ADARB2: variants seen among roughly 807,000 people sequenced by gnomAD.
The protein encoded by ADARB2 is adenosine deaminase RNA specific B2 (inactive).
ADARB2 carries 25 observed loss-of-function variants against 62.2 expected under a neutral mutation model. The ratio of observed to expected loss-of-function variants is 0.40; its 90% CI spans 0.29 to 0.56. The LOEUF (loss-of-function observed/expected upper bound fraction) is 0.56. ADARB2 is among the 20% of genes least tolerant of loss of function. The probability of loss-of-function intolerance (pLI) is 0.43; values close to 1 mark genes in which losing one functional copy is unlikely to be tolerated. For synonymous variants in ADARB2, 572 were observed against 500.8 expected, an observed-to-expected ratio of 1.14 and a Z score of -1.90; for missense variants, 1,071 against 1,077.4, an observed-to-expected ratio of 0.99 and a Z score of 0.08.
chr10:1,430,624 C>T (rs964333906), intron 1 of ADARB2, among the ~76,000 whole-genome samples: 2 of 152,096 alleles, frequency 1.3e-5, no homozygotes, highest in Non-Finnish European at 2.9e-5. Flanking sequence ...TCTGTAATAG[C>T]AGCTACTTGG....
Position 1,493,729 on chromosome 10 carries a change from C to CTTTTTTTTT in ADARB2, c.101-114578_101-114570dup, listed in dbSNP as rs555812632. On this transcript the variant is annotated intron_variant, in intron 1 of 9. Coordinates refer to ENST00000381312, the MANE Select transcript of ADARB2 (RefSeq NM_018702.4). ...TCTAGGCACAGCATAATATGGCATT[C>CTTTTTTTTT]TTTTTTTTTTTTTTTTTTTTTTTTT... 5.1e-4 allele frequency among the ~76,000 whole-genome samples: 29 copies of CTTTTTTTTT among 56,842 alleles called. 3 individuals are homozygous for CTTTTTTTTT. The highest frequency in any genetic ancestry group is 6.7e-4 in the Non-Finnish European group (22 of 32,604). 37.3% of individuals were successfully genotyped at this position (56,842 alleles called of 152,430 possible).
intron 1 of ADARB2, chr10:1,675,285 T>G (rs1231882170): frequency 4.1e-6 from 4 of 975,026 alleles, no homozygotes; most frequent in Admixed American, 1.3e-4. Flanking sequence ...GGTTCAGGGA[T>G]GCATGGATGT....
intron 1 of ADARB2, among the ~76,000 whole-genome samples, chr10:1,523,628 C>A (rs1832102341): frequency 6.6e-6 from 1 of 152,206 alleles, no homozygotes; most frequent in Non-Finnish European, 1.5e-5. Flanking sequence ...TTATTCCAAC[C>A]TTGCAGCTTC....
intron 3 of ADARB2, among the ~76,000 whole-genome samples, chr10:1,321,702 C>T (rs191707148): frequency 2.5e-4 from 38 of 152,278 alleles, no homozygotes; most frequent in Non-Finnish European, 1.2e-4. Context: ...ATTTTAATAT[C>T]CTCCTTCTCT....
chr10:1,278,690 G>A (rs4880808), intron 3 of ADARB2, among the ~76,000 whole-genome samples: 7 of 151,926 alleles, frequency 4.6e-5, no homozygotes, highest in Middle Eastern at 3.4e-3. Flanking sequence ...GGCCCGAAAG[G>A]TTTCCTATTC....
chr10:1,258,138 C>CT, intron 4 of ADARB2, among the ~76,000 whole-genome samples: 1 of 152,190 alleles, frequency 6.6e-6, no homozygotes, highest in South Asian at 2.1e-4. Context: ...TTCTCTCTCC[C>CT]TCCCTCCCTA....
intron 1 of ADARB2, among the ~76,000 whole-genome samples, chr10:1,514,688 G>A (rs180945953): frequency 6.6e-6 from 1 of 152,270 alleles, no homozygotes; most frequent in Admixed American, 6.5e-5. Context: ...TTGAATTAGA[G>A]TTGTCACCTG....
At chr10:1,439,151 G>A (rs1172528804) in intron 1 of ADARB2, among the ~76,000 whole-genome samples, 3 of 141,284 alleles carry the variant, frequency 2.1e-5, no homozygotes, top group African/African-American at 2.7e-5. Flanking sequence ...ATGGAGGCAG[G>A]CCCTTCACGA....
intron 1 of ADARB2, among the ~76,000 whole-genome samples, chr10:1,382,741 G>A (rs964876492): frequency 2.7e-5 from 4 of 147,048 alleles, no homozygotes; most frequent in Admixed American, 6.8e-5. Context: ...CTGGACCTTC[G>A]GAGTGTGCCA....
chr10:1,596,206 G>T (rs115362202), intron 1 of ADARB2, among the ~76,000 whole-genome samples: 1,737 of 152,326 alleles, frequency 0.011, 29 homozygotes, highest in African/African-American at 0.039. Context: ...GTTTGAAGTG[G>T]TACTCAATGG....
intron 3 of ADARB2, among the ~76,000 whole-genome samples, chr10:1,299,794 T>C (rs1306558885): frequency 6.6e-6 from 1 of 152,224 alleles, no homozygotes; most frequent in East Asian, 1.9e-4. Flanking sequence ...TTTGGGCTCC[T>C]GGGCAAAGAG....
chr10:1,245,341 C>CT (rs1234905549), intron 4 of ADARB2, among the ~76,000 whole-genome samples: 5 of 151,954 alleles, frequency 3.3e-5, no homozygotes, highest in African/African-American at 1.2e-4. Flanking sequence ...TTTTCTTTTT[C>CT]TTTTTTATTA....
At chr10:1,279,241 G>A (rs1034316799) in intron 3 of ADARB2, among the ~76,000 whole-genome samples, 1 of 152,198 alleles carries the variant, frequency 6.6e-6, no homozygotes, top group Non-Finnish European at 1.5e-5. Context: ...ATCTTGTCAT[G>A]TGCTACATGA....
chr10:1,328,083 G>C (rs1030843406), intron 3 of ADARB2, among the ~76,000 whole-genome samples: 8 of 115,790 alleles, frequency 6.9e-5, no homozygotes, highest in African/African-American at 2.6e-4. Flanking sequence ...CAGTAACCCA[G>C]TCGGGAAATG....
chr10:1,398,990 G>C lies in ADARB2; in HGVS notation c.101-19830C>G, dbSNP rs1420789666. 3.3e-5 allele frequency among the ~76,000 whole-genome samples: 5 copies of C among 152,198 alleles called. No homozygotes were observed. Among genetic ancestry groups the C allele is most frequent in the African/African-American group, 1.2e-4 (5 of 41,450 alleles). ...CAGCCCTGGGAAATCTCTCCTCAGA[G>C]CCTGGCACAGGTTTTGGTATCAGCG... On this transcript the variant is annotated intron_variant, in intron 1 of 9. Coordinates refer to ENST00000381312, the MANE Select transcript of ADARB2 (RefSeq NM_018702.4). This position sits in a 1 kb window ranked among gnomAD's most constrained non-coding sequence, Gnocchi z 4.1.
chr10:1,269,937 G>C (rs1831243753), intron 4 of ADARB2, among the ~76,000 whole-genome samples: 1 of 152,224 alleles, frequency 6.6e-6, no homozygotes, highest in Non-Finnish European at 1.5e-5. Flanking sequence ...GGTGGCCAGG[G>C]TGGGGCTGGT....
chr10:1,197,311 A>G lies in ADARB2; in HGVS notation c.1864+2655T>C, dbSNP rs570852794. 1.1e-4 allele frequency among the ~76,000 whole-genome samples: 17 copies of G among 152,376 alleles called. No individual in the cohort carries two copies. In the East Asian group the frequency reaches 3.3e-3, roughly 29 times the overall value. On this transcript the variant is annotated intron_variant, in intron 8 of 9. Coordinates refer to ENST00000381312, the MANE Select transcript of ADARB2 (RefSeq NM_018702.4). ...CATAAAAAAAATGGACATAAATGGC[A>G]ACAGAGAGAGACTTTGAATGCCAAA...
chr10:1,369,830 A>G (rs889354403), intron 2 of ADARB2, among the ~76,000 whole-genome samples: 1 of 152,100 alleles, frequency 6.6e-6, no homozygotes, highest in African/African-American at 2.4e-5. Flanking sequence ...CACTTTTTGT[A>G]CTTTGTCCCT....
intron 1 of ADARB2, among the ~76,000 whole-genome samples, chr10:1,541,263 A>G (rs77360955): frequency 2.4e-4 from 7 of 29,472 alleles, no homozygotes; most frequent in Non-Finnish European, 3.8e-4. Context: ...GACGCAGTTC[A>G]GACCCTGGAT....
Sources: gnomAD v4.1 joint callset for allele counts (sites outside exome capture counted in the v4.1 genomes callset) on GRCh38, gnomAD v4.1.1 for gene constraint, Gnocchi (gnomAD v3.1) non-coding constraint, MANE v1.5 for transcripts, NCBI Gene and HGNC (gene_info 2026-07-23, HGNC 2026-07-21) for gene names.